IGF1R: variants seen among roughly 807,000 people sequenced by gnomAD.
IGF1R encodes the protein insulin like growth factor 1 receptor.
Under a neutral mutation model 144.6 loss-of-function variants are expected in IGF1R, and 44 were observed. That is an observed-to-expected ratio of 0.30 (90% confidence interval 0.24 to 0.39). IGF1R has a LOEUF of 0.39. IGF1R is among the 10% of genes least tolerant of loss of function. The pLI, the probability that IGF1R is intolerant of heterozygous loss-of-function variation, is 1.00. For missense variants in IGF1R, 1,355 were observed against 1,833.7 expected, an observed-to-expected ratio of 0.74 and a Z score of 4.77; for synonymous variants, 795 against 722.8, an observed-to-expected ratio of 1.10 and a Z score of -1.60.
chr15:98,937,556 G>A (rs556603624), intron 17 of IGF1R, among the ~76,000 whole-genome samples: 10 of 152,264 alleles, frequency 6.6e-5, no homozygotes, highest in African/African-American at 2.4e-4. Flanking sequence ...TAAAATGTGT[G>A]CACTTACCCT....
intron 2 of IGF1R, among the ~76,000 whole-genome samples, chr15:98,888,269 A>G (rs909243909): frequency 1.3e-5 from 2 of 152,348 alleles, no homozygotes; most frequent in African/African-American, 4.8e-5. Context: ...TAAATGAATA[A>G]ATGAAGAATA....
At chr15:98,803,009 T>C (rs2056393710) in intron 2 of IGF1R, among the ~76,000 whole-genome samples, 1 of 152,242 alleles carries the variant, frequency 6.6e-6, no homozygotes, top group Non-Finnish European at 1.5e-5. Flanking sequence ...TCCTGCTGTT[T>C]TTTTAAAGCT....
At chr15:98,949,617 C>T (rs549820878) in intron 20 of IGF1R, among the ~76,000 whole-genome samples, 9 of 152,276 alleles carry the variant, frequency 5.9e-5, no homozygotes, top group South Asian at 2.1e-4. Context: ...ATGATCTCCC[C>T]GCCTCAGCCT....
chr15:98,790,732 A>T (rs1221252788), intron 2 of IGF1R, among the ~76,000 whole-genome samples: 1 of 152,182 alleles, frequency 6.6e-6, no homozygotes, highest in Admixed American at 6.5e-5. Context: ...ATTAGAACTG[A>T]GTATGTATTA....
At chr15:98,757,680 C>T (rs918638972) in intron 2 of IGF1R, among the ~76,000 whole-genome samples, 2 of 152,028 alleles carry the variant, frequency 1.3e-5, no homozygotes, top group African/African-American at 4.8e-5. Context: ...TTTTACTTGA[C>T]TTTGCTTGGT....
intron 3 of IGF1R, among the ~76,000 whole-genome samples, chr15:98,892,572 A>G (rs1193309056): frequency 6.6e-6 from 1 of 151,922 alleles, no homozygotes; most frequent in Non-Finnish European, 1.5e-5. Flanking sequence ...CAAATGCCAT[A>G]TGCCCTTTTG....
At chr15:98,783,579 G>T (rs1235393252) in intron 2 of IGF1R, among the ~76,000 whole-genome samples, 1 of 152,048 alleles carries the variant, frequency 6.6e-6, no homozygotes. Flanking sequence ...GTTTTTCTTT[G>T]ATTTACTTCA....
intron 2 of IGF1R, among the ~76,000 whole-genome samples, chr15:98,778,871 A>C (rs974899666): frequency 1.3e-5 from 2 of 152,186 alleles, no homozygotes; most frequent in African/African-American, 2.4e-5. Flanking sequence ...AAGTCAGCAT[A>C]TGCATAGCTC....
At chr15:98,786,553 A>C (rs2056002274) in intron 2 of IGF1R, among the ~76,000 whole-genome samples, 1 of 152,164 alleles carries the variant, frequency 6.6e-6, no homozygotes, top group Non-Finnish European at 1.5e-5. Flanking sequence ...GGATGAATCA[A>C]AATCTATAAG....
intron 2 of IGF1R, among the ~76,000 whole-genome samples, chr15:98,835,096 CA>C (rs2057072088): frequency 1.3e-5 from 2 of 150,406 alleles, no homozygotes; most frequent in African/African-American, 4.9e-5. Flanking sequence ...CACACACACA[CA>C]CACACACACA....
intron 2 of IGF1R, among the ~76,000 whole-genome samples, chr15:98,758,481 T>C (rs913791069): frequency 2.6e-5 from 4 of 152,130 alleles, no homozygotes; most frequent in African/African-American, 9.7e-5. Flanking sequence ...CAGCAGATGG[T>C]AGGTGATAAG....
intron 2 of IGF1R, among the ~76,000 whole-genome samples, chr15:98,841,160 A>G (rs573498947): frequency 4.4e-4 from 67 of 152,350 alleles, no homozygotes; most frequent in Admixed American, 1.2e-3. Context: ...GGGTACGAAG[A>G]AAAAAGAAAA....
chr15:98,758,013 G>T (rs1291432427), intron 2 of IGF1R, among the ~76,000 whole-genome samples: 1 of 151,998 alleles, frequency 6.6e-6, no homozygotes, highest in Non-Finnish European at 1.5e-5. Context: ...TTCCACCAGG[G>T]TTTGCATTTC....
At chr15:98,926,523 A>G (rs1479099127) in intron 13 of IGF1R, among the ~76,000 whole-genome samples, 2 of 149,394 alleles carry the variant, frequency 1.3e-5, no homozygotes, top group Non-Finnish European at 3.0e-5. Context: ...CTGTTCTACA[A>G]TGTATGCATA....
At chr15:98,909,261 CTTT>C (rs752298130) in intron 6 of IGF1R, among the ~76,000 whole-genome samples, 4 of 91,742 alleles carry the variant, frequency 4.4e-5, no homozygotes, top group African/African-American at 2.0e-4. Context: ...CTTTTTTTTT[CTTT>C]TTTTTTTTTT....
At chr15:98,652,495 A>G (rs1264948251) in intron 1 of IGF1R, among the ~76,000 whole-genome samples, 1 of 152,218 alleles carries the variant, frequency 6.6e-6, no homozygotes, top group Non-Finnish European at 1.5e-5. Context: ...TAGCAAGCAA[A>G]TGGTGTTTTG....
Position 98,963,090 on chromosome 15 carries a change from A to G in IGF1R, c.*5648A>G, listed in dbSNP as rs1315168334. 4.3e-6 allele frequency: 1 copy of G among 233,402 alleles called. No homozygotes were observed. 14.5% of individuals were successfully genotyped at this position (233,402 alleles called of 1,614,324 possible). On this transcript the variant is annotated 3_prime_UTR_variant, in exon 21 of 21. Transcript: ENST00000650285. The stretch of plus-strand genomic sequence containing the variant: ...GATCTGGTTTACAAGAACTAATTAA[A>G]TGTTTCATTGCATTTTTGTAAGAAC...
At chr15:98,714,208 C>T (rs1260181166) in intron 2 of IGF1R, among the ~76,000 whole-genome samples, 12 of 152,100 alleles carry the variant, frequency 7.9e-5, no homozygotes, top group Middle Eastern at 3.4e-3. Context: ...TCCACCGCCA[C>T]GTTCTTATAT....
chr15:98,799,267 A>G (rs1014224334), intron 2 of IGF1R, among the ~76,000 whole-genome samples: 5 of 152,100 alleles, frequency 3.3e-5, no homozygotes, highest in Non-Finnish European at 7.4e-5. Flanking sequence ...CTCCACCCGT[A>G]AAGTACGTTC....
Sources: gnomAD v4.1 joint callset for allele counts (sites outside exome capture counted in the v4.1 genomes callset) on GRCh38, gnomAD v4.1.1 for gene constraint, MANE v1.5 for transcripts, NCBI Gene and HGNC (gene_info 2026-07-23, HGNC 2026-07-21) for gene names.